The following DHRSX variants were observed in gnomAD, a reference collection of about 807,000 sequenced individuals.
DHRSX encodes polyprenol dehydrogenase.
DHRSX carries 31 observed loss-of-function variants against 34.0 expected under a neutral mutation model. The ratio of observed to expected loss-of-function variants is 0.91; its 90% confidence interval spans 0.69 to 1.23. DHRSX has a LOEUF of 1.23. Among genes scored for constraint, DHRSX ranks in the 50% most tolerant of loss-of-function variants. The pLI is 0.00. For synonymous variants in DHRSX, 201 were observed against 183.8 expected, an observed-to-expected ratio of 1.09 and a Z score of -0.76; for missense variants, 414 against 428.1, an observed-to-expected ratio of 0.97 and a Z score of 0.29.
At chrX:2,266,279 T>TAA (rs2041468689) in intron 5 of DHRSX, among the ~76,000 whole-genome samples, 2 of 115,556 alleles carry the variant, frequency 1.7e-5, no homozygotes, top group African/African-American at 7.4e-5. Flanking sequence ...AGCACCGGTG[T>TAA]ACAGCAGACA....
At chrX:2,362,496 TCAC>T (rs1428215819) in intron 3 of DHRSX, among the ~76,000 whole-genome samples, 3 of 152,206 alleles carry the variant, frequency 2.0e-5, no homozygotes, top group Non-Finnish European at 2.9e-5. Flanking sequence ...AGATGGGGTT[TCAC>T]CATGTTGGCC....
At chrX:2,419,749 A>G in intron 2 of DHRSX, among the ~76,000 whole-genome samples, 1 of 144,690 alleles carries the variant, frequency 6.9e-6, no homozygotes, top group East Asian at 2.1e-4. Flanking sequence ...GTTCTCACTC[A>G]TAGGTGGGAA....
At position 2,456,887 on chromosome X, in the gene DHRSX, G is replaced by C. The variant is rs191358213; in HGVS notation, c.110-31583C>G. Among the ~76,000 whole-genome samples, 41 of 152,198 alleles carry C rather than the reference G, an allele frequency of 2.7e-4. 1 individual carries two copies. The East Asian group carries it at 7.3e-3, about 27-fold the overall frequency. ...TGTTCCAGAAAGCAAATGAAACTTT[G>C]GCTGTGATTCAGACCATTTCTTGGT... On this transcript the variant is annotated intron_variant, in intron 1 of 6. Transcript: ENST00000334651.
rs1020983865 is a variant in DHRSX at position 2,229,599 on chromosome X, T to C, written c.805-8370A>G. On this transcript the variant is annotated intron_variant, in intron 6 of 6. Coordinates refer to ENST00000334651, the MANE Select transcript of DHRSX (RefSeq NM_145177.3). Reference sequence around the variant, plus strand: ...GCACAGATATGCATAGGTACGCATTTATGTGGATGTGTGTGTACTTGTGGG... The same window carrying C: ...GCACAGATATGCATAGGTACGCATTCATGTGGATGTGTGTGTACTTGTGGG... Among the ~76,000 whole-genome samples, 4 of 152,072 alleles carry C rather than the reference T, an allele frequency of 2.6e-5. No homozygotes were observed. In the East Asian group the frequency reaches 5.8e-4, roughly 22 times the overall value.
At chrX:2,460,233 G>A (rs1193013990) in intron 1 of DHRSX, among the ~76,000 whole-genome samples, 3 of 152,010 alleles carry the variant, frequency 2.0e-5, no homozygotes, top group Admixed American at 6.5e-5. Context: ...TCGGAGGGCC[G>A]GGCCTGCTCA....
At chrX:2,453,613 G>A (rs192061297) in intron 1 of DHRSX, among the ~76,000 whole-genome samples, 3 of 152,078 alleles carry the variant, frequency 2.0e-5, no homozygotes, top group South Asian at 2.1e-4. Context: ...GGAGGCTGCC[G>A]AGAGCTATGA....
chrX:2,455,741 C>CAAAAAAAAAA (rs752123891), intron 1 of DHRSX, among the ~76,000 whole-genome samples: 18 of 59,700 alleles, frequency 3.0e-4, no homozygotes, highest in East Asian at 9.1e-4. Flanking sequence ...AACTTCGTCT[C>CAAAAAAAAAA]AAAAAAAAAA....
At chrX:2,416,052 C>G (rs2043689425) in intron 2 of DHRSX, among the ~76,000 whole-genome samples, 1 of 151,664 alleles carries the variant, frequency 6.6e-6, no homozygotes, top group Non-Finnish European at 1.5e-5. Flanking sequence ...CATGACCAAC[C>G]CAACCGGACC....
At chrX:2,470,182 C>T (rs1861678578) in intron 1 of DHRSX, among the ~76,000 whole-genome samples, 1 of 150,016 alleles carries the variant, frequency 6.7e-6, no homozygotes, top group Non-Finnish European at 1.5e-5. Context: ...TATGTAGAAT[C>T]TAAAAAAGCT....
At chrX:2,349,143 T>C (rs1245432530) in intron 3 of DHRSX, among the ~76,000 whole-genome samples, 1 of 152,106 alleles carries the variant, frequency 6.6e-6, no homozygotes, top group African/African-American at 2.4e-5. Context: ...CCAGCAAGCA[T>C]GCTTCTAGGT....
At chrX:2,241,510 C>T (rs370042702) in intron 6 of DHRSX, among the ~76,000 whole-genome samples, 18 of 152,166 alleles carry the variant, frequency 1.2e-4, no homozygotes, top group African/African-American at 3.4e-4. Context: ...ACCCACATCG[C>T]GGAGGAAAGA....
At chrX:2,495,301 A>G (rs1328627709) in intron 1 of DHRSX, among the ~76,000 whole-genome samples, 2 of 151,532 alleles carry the variant, frequency 1.3e-5, no homozygotes, top group Non-Finnish European at 2.9e-5. Flanking sequence ...TATTGTTGTT[A>G]TTATTATTGG....
In DHRSX at chrX:2,449,063, C is replaced by A. The variant is rs182422198; in HGVS notation, c.110-23759G>T. 2.1e-3 allele frequency among the ~76,000 whole-genome samples: 318 copies of A among 152,158 alleles called. 1 individual carries two copies. Among genetic ancestry groups the A allele is most frequent in the African/African-American group, 7.3e-3 (302 of 41,516 alleles). On this transcript the variant is annotated intron_variant, in intron 1 of 6. Transcript: ENST00000334651. ...AATTAGCTGGGTGTGGTGGCGGGCGCCTGTAATGCCAGCTACTCAGGAGGC... is the reference window on the plus strand; with the variant it reads ...AATTAGCTGGGTGTGGTGGCGGGCGACTGTAATGCCAGCTACTCAGGAGGC...
intron 1 of DHRSX, among the ~76,000 whole-genome samples, chrX:2,472,692 C>A (rs34693655): frequency 0.095 from 14,431 of 152,094 alleles, 948 homozygotes; most frequent in Non-Finnish European, 0.14. Context: ...TCCTTGGAAC[C>A]CGGGAGACGG....
At chrX:2,259,387 GATATATAGATATATAT>G (rs1204051532) in intron 5 of DHRSX, among the ~76,000 whole-genome samples, 1 of 90,798 alleles carries the variant, frequency 1.1e-5, no homozygotes, top group East Asian at 2.2e-4. Context: ...TATATATATA[GATATATAGATATATAT>G]ATAGATATAG....
At chrX:2,484,376 A>T (rs1203981605) in intron 1 of DHRSX, among the ~76,000 whole-genome samples, 1 of 152,118 alleles carries the variant, frequency 6.6e-6, no homozygotes, top group Non-Finnish European at 1.5e-5. Context: ...TAAAGTTGAC[A>T]CCATCAGGGT....
At chrX:2,276,192 A>G (rs1361778718) in intron 4 of DHRSX, among the ~76,000 whole-genome samples, 2 of 152,220 alleles carry the variant, frequency 1.3e-5, no homozygotes, top group Admixed American at 6.5e-5. Context: ...TTTGGGCTAC[A>G]TGGATACATT....
rs1264923608 is a variant in DHRSX at position 2,483,631 on chromosome X, T to C, written c.109+17186A>G. Among the ~76,000 whole-genome samples, 4 of 152,204 alleles carry C rather than the reference T, an allele frequency of 2.6e-5. No homozygotes were observed. In the East Asian group the frequency reaches 7.7e-4, roughly 29 times the overall value. On this transcript the variant is annotated intron_variant, in intron 1 of 6. Coordinates refer to ENST00000334651, the MANE Select transcript of DHRSX (RefSeq NM_145177.3). Reference sequence around the variant, plus strand: ...CAAATGCCCCCCGGTTCTTTTGTGATAATATTAACACAGATTACTGAATTC... The same window carrying C: ...CAAATGCCCCCCGGTTCTTTTGTGACAATATTAACACAGATTACTGAATTC...
intron 3 of DHRSX, among the ~76,000 whole-genome samples, chrX:2,317,031 C>T (rs1792490232): frequency 1.3e-5 from 2 of 152,154 alleles, no homozygotes; most frequent in African/African-American, 2.4e-5. Flanking sequence ...CATCTCGGCT[C>T]ACTGCACCCT....
Sources: gnomAD v4.1 joint callset for allele counts (sites outside exome capture counted in the v4.1 genomes callset) on GRCh38, gnomAD v4.1.1 for gene constraint, MANE v1.5 for transcripts, NCBI Gene and HGNC (gene_info 2026-07-23, HGNC 2026-07-21) for gene names.